Variants in RARB observed in about 807,000 individuals in gnomAD.
RARB encodes HBV-activated protein.
A neutral mutation model predicts 51.9 loss-of-function variants in RARB; 17 were observed. That is an observed-to-expected ratio of 0.33 (90% CI 0.22 to 0.49). RARB has a LOEUF of 0.49. Ranked by LOEUF, RARB falls within the 20% of genes least tolerant of loss-of-function variation. The pLI is 0.99. For missense variants in RARB, 369 were observed against 550.8 expected, an observed-to-expected ratio of 0.67 and a Z score of 3.30; for synonymous variants, 215 against 195.4, an observed-to-expected ratio of 1.10 and a Z score of -0.84.
chr3:25,210,572 G>C (rs1392546815), intron 5 of RARB, among the ~76,000 whole-genome samples: 2 of 53,720 alleles, frequency 3.7e-5, no homozygotes, highest in Non-Finnish European at 4.0e-5. Context: ...GTCTCACTCT[G>C]TTGCCCAGGC....
intron 1 of RARB, chr3:24,833,062 T>G (rs1008361046): frequency 2.0e-5 from 3 of 152,310 alleles, no homozygotes; most frequent in Admixed American, 2.0e-4. Context: ...CCACCTCCTC[T>G]CTACCTTACT....
intron 2 of RARB, among the ~76,000 whole-genome samples, chr3:25,463,035 C>T (rs1695257732): frequency 6.6e-6 from 1 of 152,116 alleles, no homozygotes; most frequent in African/African-American, 2.4e-5. Flanking sequence ...AATCTGTCAA[C>T]TTGAAAAAGC....
chr3:25,513,674 A>G (rs549205340), intron 3 of RARB, among the ~76,000 whole-genome samples: 1 of 152,064 alleles, frequency 6.6e-6, no homozygotes, highest in Non-Finnish European at 1.5e-5. Context: ...ACACACACAC[A>G]CACACACACA....
At chr3:25,150,480 T>C (rs2125341234) in intron 4 of RARB, among the ~76,000 whole-genome samples, 1 of 152,202 alleles carries the variant, frequency 6.6e-6, no homozygotes, top group Non-Finnish European at 1.5e-5. Context: ...GAGGGAGTGG[T>C]TCATGTATAG....
At chr3:25,105,916 A>C (rs908521608) in intron 3 of RARB, among the ~76,000 whole-genome samples, 4 of 152,226 alleles carry the variant, frequency 2.6e-5, no homozygotes, top group African/African-American at 9.6e-5. Flanking sequence ...AATGAAATGT[A>C]ATCTAAATGC....
chr3:25,576,283 G>A (rs1325852374), intron 4 of RARB, among the ~76,000 whole-genome samples: 4 of 152,140 alleles, frequency 2.6e-5, no homozygotes, highest in Non-Finnish European at 5.9e-5. Context: ...GAAGAAGGTG[G>A]TGCCTAGCTG....
chr3:25,427,873 G>C (rs529227283), upstream of RARB, among the ~76,000 whole-genome samples: 2 of 152,154 alleles, frequency 1.3e-5, no homozygotes, highest in Non-Finnish European at 2.9e-5. Context: ...GTGTGGGCTG[G>C]GGGGCGAGGC....
Position 25,579,796 on chromosome 3 carries a change from G to A in RARB, c.610-750G>A, listed in dbSNP as rs115595721. On this transcript the variant is annotated intron_variant, in intron 4 of 7. Coordinates refer to ENST00000330688, the MANE Select transcript of RARB (RefSeq NM_000965.5). ...TTACCGTGTCCCTGGATTTCCTGAG[G>A]TTATCTAGAGTCTCAGTCAGATTCA... Among the ~76,000 whole-genome samples the A allele has an allele frequency of 3.1e-3, 476 of 152,264 alleles. 2 individuals carry two copies. Among genetic ancestry groups the A allele is most frequent in the Non-Finnish European group, 4.5e-3 (307 of 68,016 alleles).
intron 2 of RARB, among the ~76,000 whole-genome samples, chr3:25,012,402 G>A (rs1180719169): frequency 6.6e-6 from 1 of 152,078 alleles, no homozygotes; most frequent in Non-Finnish European, 1.5e-5. Flanking sequence ...CTTGATTGGG[G>A]CAACAGAATG....
intron 3 of RARB, among the ~76,000 whole-genome samples, chr3:25,096,592 C>T (rs1699295862): frequency 1.3e-5 from 2 of 152,090 alleles, no homozygotes; most frequent in African/African-American, 2.4e-5. Context: ...TTTTCTGTTT[C>T]CCTCAGGTAG....
At chr3:25,354,181 C>T (rs1292314936) in intron 5 of RARB, among the ~76,000 whole-genome samples, 1 of 152,082 alleles carries the variant, frequency 6.6e-6, no homozygotes, top group Non-Finnish European at 1.5e-5. Context: ...TCCAAACTGC[C>T]TGGCGGTAAA....
chr3:25,338,364 G>A (rs923064801), intron 5 of RARB, among the ~76,000 whole-genome samples: 1 of 152,112 alleles, frequency 6.6e-6, no homozygotes, highest in Admixed American at 6.6e-5. Flanking sequence ...TTTCATGATT[G>A]GAATGTGTGG....
At chr3:25,016,683 G>A (rs9310766) in intron 2 of RARB, among the ~76,000 whole-genome samples, 32,054 of 151,786 alleles carry the variant, frequency 0.21, 6,185 homozygotes, top group African/African-American at 0.51. Context: ...CACCCCTCAT[G>A]GTGTGGCAGA....
chr3:25,050,237 G>T (rs1698299926), intron 2 of RARB, among the ~76,000 whole-genome samples: 2 of 152,074 alleles, frequency 1.3e-5, no homozygotes, highest in Admixed American at 1.3e-4. Flanking sequence ...TGACTCCCAG[G>T]CTGTGGCTGT....
chr3:25,307,983 C>T (rs1704193617), intron 5 of RARB, among the ~76,000 whole-genome samples: 1 of 152,190 alleles, frequency 6.6e-6, no homozygotes, highest in South Asian at 2.1e-4. Flanking sequence ...GCCTAAAGTA[C>T]TTACTATCTG....
intron 2 of RARB, among the ~76,000 whole-genome samples, chr3:25,038,216 G>A (rs1698038627): frequency 6.6e-6 from 1 of 152,096 alleles, no homozygotes; most frequent in South Asian, 2.1e-4. Flanking sequence ...GAATTTGATA[G>A]ATACTTGGTA....
At chr3:25,343,482 T>C (rs1374173715) in intron 5 of RARB, among the ~76,000 whole-genome samples, 1 of 151,930 alleles carries the variant, frequency 6.6e-6, no homozygotes, top group Non-Finnish European at 1.5e-5. Context: ...CAGTATTTCC[T>C]ATATTTTGAA....
intron 5 of RARB, among the ~76,000 whole-genome samples, chr3:25,305,131 T>C (rs1704125791): frequency 6.6e-6 from 1 of 152,150 alleles, no homozygotes; most frequent in Admixed American, 6.5e-5. Flanking sequence ...GGACGTAGGA[T>C]ACACTAGGAT....
chr3:25,210,584 A>AGAGT (rs1418903471), intron 5 of RARB, among the ~76,000 whole-genome samples: 2 of 119,832 alleles, frequency 1.7e-5, no homozygotes, highest in African/African-American at 6.1e-5. Flanking sequence ...TGCCCAGGCA[A>AGAGT]GAGTGCAGAG....
Sources: gnomAD v4.1 joint callset for allele counts (sites outside exome capture counted in the v4.1 genomes callset) on GRCh38, gnomAD v4.1.1 for gene constraint, MANE v1.5 for transcripts, NCBI Gene and HGNC (gene_info 2026-07-23, HGNC 2026-07-21) for gene names.